SEC24C: variants seen among roughly 807,000 people sequenced by gnomAD.
SEC24C encodes the protein SEC24 homolog C, COPII component.
Under a neutral mutation model 117.0 loss-of-function variants are expected in SEC24C, and 22 were observed. The observed-to-expected ratio is 0.19, with a 90% CI of 0.13 to 0.27. The LOEUF (loss-of-function observed/expected upper bound fraction) is 0.27, where lower values mean the gene tolerates loss of function less well. SEC24C is among the 10% of genes least tolerant of loss of function. The pLI, the probability that SEC24C is intolerant of heterozygous loss-of-function variation, is 1.00. For missense variants in SEC24C, 1,155 were observed against 1,375.1 expected, an observed-to-expected ratio of 0.84 and a Z score of 2.53; for synonymous variants, 506 against 529.4, an observed-to-expected ratio of 0.96 and a Z score of 0.61.
chr10:73,749,022 C>T (rs958294517), intron 2 of SEC24C, among the ~76,000 whole-genome samples: 63 of 152,324 alleles, frequency 4.1e-4, no homozygotes, highest in African/African-American at 1.4e-3. Flanking sequence ...GGATTACAAA[C>T]GTAAGCCACC....
chr10:73,763,666 GCTTTTTTTT>G, intron 7 of SEC24C, 65 bp downstream of exon 7: 1 of 212,428 alleles, frequency 4.7e-6, no homozygotes, highest in Non-Finnish European at 8.4e-6. Flanking sequence ...TATGGTTGGG[GCTTTTTTTT>G]TTTTTTTTTT....
chr10:73,745,224 T>C (rs369121613), intron 1 of SEC24C, among the ~76,000 whole-genome samples: 1 of 152,108 alleles, frequency 6.6e-6, no homozygotes, highest in African/African-American at 2.4e-5. Context: ...TGTGATGAGA[T>C]AGTTTTCTTG....
rs757443326 is a variant in SEC24C at position 73,746,984 on chromosome 10, A to G, written c.152A>G (p.Tyr51Cys). 9.3e-6 allele frequency: 15 copies of G among 1,612,324 alleles called. No individual in the cohort carries two copies. The highest frequency in any genetic ancestry group is 8.9e-5 in the East Asian group (4 of 44,836). The part of the protein sequence containing the change: ...YGAYNGPVPG[Y>C]QQTPPQGMSR... ...GCCTACAATGGCCCAGTACCAGGCT[A>G]TCAGCAAACACCTCCCCAAGGTATG... is the stretch of plus-strand genomic sequence containing the variant. The change falls in exon 2 of 23, where the codon TAT (tyrosine) becomes TGT (cysteine). Residue 51 changes from tyrosine to cysteine, a missense_variant. This residue lies in a region of SEC24C where 396 missense variants were observed against 382.8 expected (regional missense o/e 1.03). Transcript: ENST00000345254.
chr10:73,761,334 G>C (rs997575284), intron 6 of SEC24C, among the ~76,000 whole-genome samples: 7 of 152,192 alleles, frequency 4.6e-5, no homozygotes, highest in African/African-American at 1.7e-4. Flanking sequence ...TGTTTGGTAG[G>C]CTTCTGCTGT....
chr10:73,746,611 A>T (rs1395529793), intron 1 of SEC24C, 194 bp from the exon 2 acceptor site: 1 of 454,696 alleles, frequency 2.2e-6, no homozygotes, highest in African/African-American at 2.0e-5. Context: ...GGTCAGAATA[A>T]CAAAATCCTT....
chr10:73,768,414 T>G (rs2082918977), intron 15 of SEC24C, among the ~76,000 whole-genome samples: 1 of 152,138 alleles, frequency 6.6e-6, no homozygotes, highest in African/African-American at 2.4e-5. Context: ...GAAGACTGCA[T>G]AGTCTGAAGA....
intron 3 of SEC24C, among the ~76,000 whole-genome samples, chr10:73,753,418 C>T (rs1357359467): frequency 6.6e-6 from 1 of 152,004 alleles, no homozygotes; most frequent in Non-Finnish European, 1.5e-5. Flanking sequence ...GCCTATAATC[C>T]CAGCACTTTG....
intron 2 of SEC24C, among the ~76,000 whole-genome samples, chr10:73,747,615 G>A (rs564580011): frequency 2.7e-5 from 4 of 149,794 alleles, no homozygotes; most frequent in African/African-American, 9.8e-5. Flanking sequence ...GCCTCCCAAA[G>A]TGCTGGGATT....
At chr10:73,753,958 G>A (rs925444805) in intron 3 of SEC24C, among the ~76,000 whole-genome samples, 2 of 151,794 alleles carry the variant, frequency 1.3e-5, no homozygotes, top group African/African-American at 4.8e-5. Context: ...AACATTATGA[G>A]GTTTTTTTTT....
At chr10:73,757,920 CAAAAAAAAAAAAAA>C (rs61625607) in intron 3 of SEC24C, among the ~76,000 whole-genome samples, 2 of 38,876 alleles carry the variant, frequency 5.1e-5, no homozygotes, top group African/African-American at 1.2e-4. Context: ...GACCCTGTCT[CAAAAAAAAAAAAAA>C]AAAAAAAAAA....
chr10:73,760,151 T>G lies in SEC24C; in HGVS notation c.615T>G (p.Ser205=), dbSNP rs2082774591. The G allele has an allele frequency of 1.9e-6, 3 of 1,614,138 alleles. No homozygotes were observed. Among genetic ancestry groups the G allele is most frequent in the Non-Finnish European group, 2.5e-6 (3 of 1,180,006 alleles). The change falls in exon 5 of 23, where the codon TCT becomes TCG. Residue 205 remains serine (S), a synonymous_variant. Coordinates refer to ENST00000345254, the MANE Select transcript of SEC24C (RefSeq NM_198597.3). The part of the protein sequence containing the change: ...GHPGIQTPQR[S]APSQASSFTP... ...CTGGGATCCAGACTCCCCAGCGATCTGCCCCATCACAGGCCTCCAGCTTCA... is the reference window on the plus strand; with the variant it reads ...CTGGGATCCAGACTCCCCAGCGATCGGCCCCATCACAGGCCTCCAGCTTCA...
Position 73,769,898 on chromosome 10 carries a change from T to G in SEC24C, c.2745T>G (p.Asp915Glu), listed in dbSNP as rs768442194. 6.2e-6 allele frequency: 10 copies of G among 1,614,086 alleles called. No individual in the cohort carries two copies. The highest frequency in any genetic ancestry group is 8.5e-6 in the Non-Finnish European group (10 of 1,180,032). Residue 915 changes from aspartate (D) to glutamate (E), a missense_variant, in exon 20 of 23, where the codon GAT becomes GAG. Physicochemically the swap from Asp to Glu is conservative, Grantham distance 45 (BLOSUM62 2). This residue lies in a region of SEC24C where 759 missense variants were observed against 992.3 expected (regional missense o/e 0.76). Transcript: ENST00000345254. This position sits in a 1 kb window ranked among gnomAD's most constrained non-coding sequence, Gnocchi z 4.5. ...ACCTGAACTGTGTGTTGAAGAGTGA[T>G]GTCCTGCAGCCTGGAGCTGAAGTCA... Reference protein sequence around the residue: ...PVYLNCVLKSDVLQPGAEVTT... With the variant: ...PVYLNCVLKSEVLQPGAEVTT...
chr10:73,768,678 C>A lies in SEC24C; in HGVS notation c.2182-132C>A, dbSNP rs558472075. Reference sequence around the variant, plus strand: ...AGTGTTTAAAAGCTATTATTGTCATCATCATTATCATCCTCACTGTTATGA... The same window carrying A: ...AGTGTTTAAAAGCTATTATTGTCATAATCATTATCATCCTCACTGTTATGA... On this transcript the variant is annotated intron_variant, in intron 15 of 22. Coordinates refer to ENST00000345254, the MANE Select transcript of SEC24C (RefSeq NM_198597.3). 7 of 790,394 alleles carry A rather than the reference C, an allele frequency of 8.9e-6. No homozygotes were observed. The South Asian group carries it at 1.1e-4, about 12-fold the overall frequency. 49.0% of individuals were successfully genotyped at this position (790,394 alleles called of 1,614,324 possible).
At position 73,769,927 on chromosome 10, in the gene SEC24C, C is replaced by T. The variant is rs368958996; in HGVS notation, c.2774C>T (p.Thr925Ile). The T allele has an allele frequency of 3.0e-5, 49 of 1,614,138 alleles. No homozygotes were observed. The African/African-American group carries it at 6.1e-4, about 20-fold the overall frequency. ...CTGCAGCCTGGAGCTGAAGTCACTA[C>T]TGATGACCGTGCCTATGTCCGACAG... ...DVLQPGAEVT[T>I]DDRAYVRQLV... The change falls in exon 20 of 23, where the codon ACT (threonine) becomes ATT (isoleucine). Residue 925 changes from threonine (T) to isoleucine (I), a missense_variant. Coordinates refer to ENST00000345254, the MANE Select transcript of SEC24C (RefSeq NM_198597.3). This position sits in a 1 kb window ranked among gnomAD's most constrained non-coding sequence, Gnocchi z 4.5.
chr10:73,744,837 A>G (rs960656480), intron 1 of SEC24C, among the ~76,000 whole-genome samples: 4 of 152,156 alleles, frequency 2.6e-5, no homozygotes, highest in Non-Finnish European at 4.4e-5. Context: ...ACCCTCGACT[A>G]TCCACCCAGA....
chr10:73,761,010 G>A (rs2082788870), intron 6 of SEC24C, among the ~76,000 whole-genome samples, 161 bp downstream of exon 6: 1 of 152,170 alleles, frequency 6.6e-6, no homozygotes, highest in African/African-American at 2.4e-5. Context: ...GGAACTTGAG[G>A]TTCTAGGAGT....
At chr10:73,756,214 G>T (rs2082707836) in intron 3 of SEC24C, among the ~76,000 whole-genome samples, 1 of 152,198 alleles carries the variant, frequency 6.6e-6, no homozygotes, top group South Asian at 2.1e-4. Flanking sequence ...AGATTGGGTG[G>T]ATTCATCATC....
At chr10:73,765,235 G>A (rs1467925031) in intron 8 of SEC24C, among the ~76,000 whole-genome samples, 2 of 152,186 alleles carry the variant, frequency 1.3e-5, no homozygotes, top group Non-Finnish European at 2.9e-5. Context: ...CAGCTCTGGG[G>A]GTGGGATGTA....
chr10:73,753,688 C>CAA (rs1321024743), intron 3 of SEC24C, among the ~76,000 whole-genome samples: 1 of 152,172 alleles, frequency 6.6e-6, no homozygotes, highest in African/African-American at 2.4e-5. Context: ...AGTTTACACT[C>CAA]AAATGTACAA....
Sources: allele counts gnomAD v4.1 joint callset (sites outside exome capture counted in the v4.1 genomes callset), GRCh38; gene constraint gnomAD v4.1.1; regional missense constraint gnomAD v4.1.1; non-coding constraint Gnocchi (gnomAD v3.1); transcripts MANE v1.5; gene names NCBI Gene and HGNC (gene_info 2026-07-23, HGNC 2026-07-21).